Variants in SYNPR observed in about 807,000 individuals in gnomAD.
The protein encoded by SYNPR is synaptoporin.
In SYNPR, 23 loss-of-function variants were observed where a neutral mutation model predicts 32.9. The ratio of observed to expected loss-of-function variants is 0.70; its 90% CI spans 0.50 to 0.99. SYNPR has a LOEUF of 0.99. Among genes scored for constraint, SYNPR ranks in the 50% least tolerant of loss-of-function variants. The pLI, the probability that SYNPR is intolerant of heterozygous loss-of-function variation, is 0.00. For missense variants in SYNPR, 318 were observed against 349.3 expected, an observed-to-expected ratio of 0.91 and a Z score of 0.71; for synonymous variants, 146 against 135.9, an observed-to-expected ratio of 1.07 and a Z score of -0.52.
chr3:63,312,269 T>C (rs915071765), intron 2 of SYNPR, among the ~76,000 whole-genome samples: 3 of 152,016 alleles, frequency 2.0e-5, no homozygotes, highest in Admixed American at 1.3e-4. Flanking sequence ...TGATTTTACA[T>C]TAATAAGAGT....
intron 4 of SYNPR, among the ~76,000 whole-genome samples, chr3:63,598,540 T>C (rs1443358732): frequency 6.6e-6 from 1 of 152,166 alleles, no homozygotes. Context: ...CAAAGTTCTT[T>C]GGGTACCGAT....
chr3:63,451,622 G>T (rs1461905049), intron 2 of SYNPR, among the ~76,000 whole-genome samples: 2 of 152,064 alleles, frequency 1.3e-5, no homozygotes, highest in Non-Finnish European at 2.9e-5. Context: ...TACAGGACCT[G>T]GACCTTGCCC....
intron 2 of SYNPR, among the ~76,000 whole-genome samples, chr3:63,367,101 A>G (rs2087736039): frequency 6.6e-6 from 1 of 152,232 alleles, no homozygotes; most frequent in African/African-American, 2.4e-5. Flanking sequence ...TGAAACTTCA[A>G]GATGGATCTC....
the SYNPR span, among the ~76,000 whole-genome samples, chr3:63,217,940 A>T: frequency 6.6e-6 from 1 of 152,174 alleles, no homozygotes; most frequent in South Asian, 2.1e-4. Context: ...AGATACTTCA[A>T]TCCTTATGTC....
At chr3:63,219,113 G>T in the SYNPR span, among the ~76,000 whole-genome samples, 1 of 152,166 alleles carries the variant, frequency 6.6e-6, no homozygotes, top group African/African-American at 2.4e-5. Flanking sequence ...GAAAGAAGTG[G>T]CAGAGACTAA....
chr3:63,254,032 C>T (rs1033712432), intron 2 of SYNPR, among the ~76,000 whole-genome samples: 18 of 152,044 alleles, frequency 1.2e-4, no homozygotes, highest in African/African-American at 4.3e-4. Context: ...ATGGATGAAG[C>T]TGGAAACCAT....
chr3:63,410,652 C>G (rs1350327677), intron 2 of SYNPR, among the ~76,000 whole-genome samples: 1 of 152,094 alleles, frequency 6.6e-6, no homozygotes, highest in Non-Finnish European at 1.5e-5. Flanking sequence ...GATGGGTTTC[C>G]AAAGTAGGAA....
intron 3 of SYNPR, chr3:63,550,122 A>G (rs755240871): frequency 6.6e-6 from 1 of 152,092 alleles, no homozygotes; most frequent in Non-Finnish European, 1.5e-5. Context: ...TTGCTTCCAA[A>G]GTTATTACAG....
rs777607510 is a variant in SYNPR at position 63,398,948 on chromosome 3, C to T, written c.85-81884C>T. Reference sequence around the variant, plus strand: ...TTTGGTGCCAGCTACAGAACTGACTCCAACTGACTTAAGCAGAAGGACAGT... The same window carrying T: ...TTTGGTGCCAGCTACAGAACTGACTTCAACTGACTTAAGCAGAAGGACAGT... On this transcript the variant is annotated intron_variant, in intron 2 of 5. Transcript: ENST00000478300. Among the ~76,000 whole-genome samples the T allele has an allele frequency of 4.1e-4, 63 of 152,198 alleles. No homozygotes were observed. In the Middle Eastern group the frequency reaches 0.014, roughly 33 times the overall value.
chr3:63,211,362 C>T, the SYNPR span, among the ~76,000 whole-genome samples: 21 of 152,262 alleles, frequency 1.4e-4, no homozygotes, highest in East Asian at 7.7e-4. Flanking sequence ...CCACCGTGCC[C>T]GGCCAAGACC....
rs34796321 is a variant in SYNPR at position 63,558,854 on chromosome 3, G to GA, written c.408+2123dup. The stretch of plus-strand genomic sequence containing the variant: ...AGGGTAATTAATAATATGCTTTCCA[G>GA]AAAAAAAAAATTATATTGTGCTATA... On this transcript the variant is annotated intron_variant, in intron 4 of 5. Transcript: ENST00000478300. 1.0e-3 allele frequency among the ~76,000 whole-genome samples: 151 copies of GA among 146,728 alleles called. 1 individual carries two copies. The highest frequency in any genetic ancestry group is 2.0e-3 in the African/African-American group (79 of 40,044).
chr3:63,222,011 A>ATTTTTTTTTTTTTTTTT, the SYNPR span, among the ~76,000 whole-genome samples: 66 of 56,404 alleles, frequency 1.2e-3, 11 homozygotes, highest in South Asian at 4.7e-3. Context: ...GCCATGCTCA[A>ATTTTTTTTTTTTTTTTT]TTTTTTTTTT....
At chr3:63,273,044 A>C (rs2086548852) in intron 3 of SYNPR, among the ~76,000 whole-genome samples, 1 of 152,184 alleles carries the variant, frequency 6.6e-6, no homozygotes, top group Non-Finnish European at 1.5e-5. Context: ...TAAAAATTAC[A>C]ATGATTGAGC....
intron 4 of SYNPR, among the ~76,000 whole-genome samples, chr3:63,597,341 A>G (rs188316064): frequency 6.6e-6 from 1 of 152,326 alleles, no homozygotes; most frequent in Non-Finnish European, 1.5e-5. Context: ...ACAAACATAC[A>G]AATGAATCAA....
At chr3:63,488,069 C>CT (rs1701188964) in intron 3 of SYNPR, among the ~76,000 whole-genome samples, 1 of 152,158 alleles carries the variant, frequency 6.6e-6, no homozygotes, top group South Asian at 2.1e-4. Flanking sequence ...AACGCTAGCT[C>CT]TGCCAGGCAG....
intron 4 of SYNPR, among the ~76,000 whole-genome samples, chr3:63,606,017 T>C (rs969207764): frequency 6.6e-6 from 1 of 152,238 alleles, no homozygotes; most frequent in African/African-American, 2.4e-5. Flanking sequence ...TTACCAGGCA[T>C]TGTGCTAAAC....
chr3:63,238,565 C>A (rs577197711), intron 1 of SYNPR, among the ~76,000 whole-genome samples: 3 of 152,166 alleles, frequency 2.0e-5, no homozygotes, highest in South Asian at 2.1e-4. Context: ...AACAGGAGAA[C>A]CTTCTTGTTA....
At chr3:63,572,591 C>T (rs1015753159) in intron 4 of SYNPR, among the ~76,000 whole-genome samples, 1 of 151,958 alleles carries the variant, frequency 6.6e-6, no homozygotes, top group Non-Finnish European at 1.5e-5. Context: ...TGTCTCATCA[C>T]TCTTGTTTAG....
chr3:63,438,865 C>T (rs981592003), intron 2 of SYNPR, among the ~76,000 whole-genome samples: 3 of 152,292 alleles, frequency 2.0e-5, no homozygotes, highest in East Asian at 1.9e-4. Flanking sequence ...GGCTAACTCT[C>T]TTGGTCATTT....
Sources: gnomAD v4.1 joint callset for allele counts (sites outside exome capture counted in the v4.1 genomes callset) on GRCh38, gnomAD v4.1.1 for gene constraint, MANE v1.5 for transcripts, NCBI Gene and HGNC (gene_info 2026-07-23, HGNC 2026-07-21) for gene names.